AR: variants seen among roughly 807,000 people sequenced by gnomAD.
The protein encoded by AR is androgen receptor.
In AR, 8 loss-of-function variants were observed where a neutral mutation model predicts 53.9. The observed-to-expected ratio is 0.15, with a 90% CI of 0.09 to 0.27. The LOEUF is 0.27. AR is among the 10% of genes least tolerant of loss of function. The probability of loss-of-function intolerance (pLI) is 1.00; values close to 1 mark genes in which losing one functional copy is unlikely to be tolerated. For synonymous variants in AR, 359 were observed against 316.4 expected, an observed-to-expected ratio of 1.13 and a Z score of -1.43; for missense variants, 639 against 742.5, an observed-to-expected ratio of 0.86 and a Z score of 1.62.
Position 67,622,146 on chromosome X carries a change from T to C in AR, c.1617-21110T>C, listed in dbSNP as rs964483296. ...TGAGAAAAATATTGGTTCAGTAAGA[T>C]TTAACAGGTAAATTAAAATCAAGTA... On this transcript the variant is annotated intron_variant, in intron 1 of 7. Coordinates refer to ENST00000374690, the MANE Select transcript of AR (RefSeq NM_000044.6). Among the ~76,000 whole-genome samples the C allele has an allele frequency of 6.2e-5, 7 of 112,308 alleles. 1 individual carries two copies. Among genetic ancestry groups the C allele is most frequent in the Non-Finnish European group, 3.8e-5 (2 of 53,243 alleles).
At chrX:67,695,814 C>G (rs112320270) in intron 3 of AR, 52,710 of 744,510 alleles carry the variant, frequency 0.071, 1,386 homozygotes, top group African/African-American at 0.11. Context: ...CACACTCTCT[C>G]TCTCTCTCAC....
intron 1 of AR, among the ~76,000 whole-genome samples, chrX:67,591,441 A>G (rs1379353213): frequency 8.9e-6 from 1 of 111,963 alleles, no homozygotes; most frequent in African/African-American, 3.3e-5. Context: ...ATATTTTTAA[A>G]TAAAGTACTC....
intron 2 of AR, among the ~76,000 whole-genome samples, chrX:67,684,376 C>G (rs1264643070): frequency 9.0e-6 from 1 of 111,551 alleles, no homozygotes; most frequent in African/African-American, 3.3e-5. Context: ...GCCTGGAGAC[C>G]TTAGTTTTCT....
intron 2 of AR, among the ~76,000 whole-genome samples, chrX:67,646,582 G>A (rs1239483923): frequency 1.8e-5 from 2 of 109,733 alleles, no homozygotes; most frequent in African/African-American, 6.6e-5. Context: ...GTGGTGAAAG[G>A]GAAGGCATTT....
rs1052701573 is a variant in AR, at chrX:67,725,512, T to A, written c.*1671T>A. On this transcript the variant is annotated 3_prime_UTR_variant, in exon 8 of 8. Transcript: ENST00000374690. Reference sequence around the variant, plus strand: ...CTAGAACCAGAAACCCTGCAAATGCTCTTCTTGTCACCCAGCATATCCACC... The same window carrying A: ...CTAGAACCAGAAACCCTGCAAATGCACTTCTTGTCACCCAGCATATCCACC... 5.7e-6 allele frequency: 1 copy of A among 174,066 alleles called. No individual in the cohort carries two copies. Among genetic ancestry groups the A allele is most frequent in the African/African-American group, 3.0e-5 (1 of 33,779 alleles). The allele number at this position is 174,066 out of a possible 1,213,427, so 14.3% of individuals were successfully genotyped here. A position where few individuals can be genotyped will look rare whatever the true frequency, so the allele number is the denominator to read the frequency against.
At chrX:67,709,216 C>G (rs980853710) in intron 3 of AR, among the ~76,000 whole-genome samples, 1 of 112,084 alleles carries the variant, frequency 8.9e-6, no homozygotes, top group Admixed American at 9.4e-5. Flanking sequence ...GCCTTTTGTT[C>G]GGCTATGCCC....
chrX:67,659,436 C>T (rs1926758847), intron 2 of AR, among the ~76,000 whole-genome samples: 1 of 110,636 alleles, frequency 9.0e-6, no homozygotes, highest in African/African-American at 3.3e-5. Context: ...TCTCATTGTT[C>T]AATTCTCACC....
intron 2 of AR, among the ~76,000 whole-genome samples, chrX:67,651,687 G>A (rs1926354716): frequency 8.9e-6 from 1 of 111,755 alleles, no homozygotes; most frequent in South Asian, 3.8e-4. Flanking sequence ...ACTGTGGGGA[G>A]TAACTGAGAA....
rs1039609509 is a variant in AR at position 67,655,784 on chromosome X, T to G, written c.1768+12377T>G. ...AACATGAGATAAGGCAACTTGAAAT[T>G]TCCTAGCATAGTGATAGACTTTCGA... On this transcript the variant is annotated intron_variant, in intron 2 of 7. Coordinates refer to ENST00000374690, the MANE Select transcript of AR (RefSeq NM_000044.6). 3.6e-5 allele frequency among the ~76,000 whole-genome samples: 4 copies of G among 111,616 alleles called. No homozygotes were observed. In the East Asian group the frequency reaches 1.1e-3, roughly 32 times the overall value.
chrX:67,688,285 T>C (rs1461244409), intron 3 of AR, among the ~76,000 whole-genome samples: 1 of 111,596 alleles, frequency 9.0e-6, no homozygotes, highest in Non-Finnish European at 1.9e-5. Context: ...GTCAGGCAGA[T>C]CTAGTTTAAA....
intron 4 of AR, among the ~76,000 whole-genome samples, chrX:67,715,749 T>C (rs1881380178): frequency 8.9e-6 from 1 of 112,368 alleles, no homozygotes; most frequent in Admixed American, 9.4e-5. Context: ...CCACATCACC[T>C]AACCTCTGGG....
At chrX:67,626,882 T>A in intron 1 of AR, among the ~76,000 whole-genome samples, 1 of 99,775 alleles carries the variant, frequency 1.0e-5, no homozygotes, top group Non-Finnish European at 2.0e-5. Context: ...CATGCGGTGT[T>A]TGGTTTTTTG....
intron 3 of AR, among the ~76,000 whole-genome samples, chrX:67,690,359 G>A (rs937815092): frequency 9.0e-6 from 1 of 111,697 alleles, no homozygotes; most frequent in African/African-American, 3.3e-5. Flanking sequence ...TGTCGTTATG[G>A]ACGCTATGAA....
chrX:67,643,237 G>GT lies in AR; in HGVS notation c.1617-13dup, dbSNP rs916601317. The GT allele has an allele frequency of 9.9e-6, 12 of 1,209,639 alleles. No individual in the cohort carries two copies. The African/African-American group carries it at 1.4e-4, about 14-fold the overall frequency. On this transcript the variant is annotated intron_variant, in intron 1 of 7. Coordinates refer to ENST00000374690, the MANE Select transcript of AR (RefSeq NM_000044.6). ...CCATTCAGTGACATGTGTTGCATTG[G>GT]TTTTTTGTGTCTTTCCAGTTTGGAG... is the stretch of plus-strand genomic sequence containing the variant.
At chrX:67,704,721 G>A (rs1035474258) in intron 3 of AR, among the ~76,000 whole-genome samples, 8 of 111,523 alleles carry the variant, frequency 7.2e-5, no homozygotes, top group South Asian at 7.5e-4. Context: ...AGTCCTTGCC[G>A]GTGCCTATGT....
chrX:67,627,969 G>T (rs1169220390), intron 1 of AR, among the ~76,000 whole-genome samples: 1 of 111,377 alleles, frequency 9.0e-6, no homozygotes, highest in Non-Finnish European at 1.9e-5. Flanking sequence ...TTATTTCTGA[G>T]GGCTCTGTTC....
intron 7 of AR, among the ~76,000 whole-genome samples, chrX:67,723,353 T>TGTGA (rs2076144721): frequency 1.1e-5 from 1 of 95,016 alleles, no homozygotes; most frequent in Admixed American, 1.1e-4. Flanking sequence ...TGTGTGTGTG[T>TGTGA]CAGAGAGAGA....
At chrX:67,587,346 G>A (rs993485035) in intron 1 of AR, among the ~76,000 whole-genome samples, 2 of 112,476 alleles carry the variant, frequency 1.8e-5, no homozygotes, top group African/African-American at 3.2e-5. Flanking sequence ...TCATTTATTT[G>A]GCTATCCATA....
At chrX:67,622,761 G>T (rs1342393420) in intron 1 of AR, among the ~76,000 whole-genome samples, 1 of 111,570 alleles carries the variant, frequency 9.0e-6, no homozygotes, top group Non-Finnish European at 1.9e-5. Flanking sequence ...CTGAGAACAT[G>T]GTGGCAGTTA....
Sources: allele counts gnomAD v4.1 joint callset (sites outside exome capture counted in the v4.1 genomes callset), GRCh38; gene constraint gnomAD v4.1.1; transcripts MANE v1.5; gene names NCBI Gene and HGNC (gene_info 2026-07-23, HGNC 2026-07-21).